Variants in CACNA1E observed in about 807,000 individuals in gnomAD.
CACNA1E encodes the protein calcium voltage-gated channel subunit alpha1 E.
CACNA1E carries 40 observed loss-of-function variants against 259.2 expected under a neutral mutation model. The ratio of observed to expected loss-of-function variants is 0.15; its 90% CI spans 0.12 to 0.20. CACNA1E has a LOEUF of 0.20. CACNA1E is among the 10% of genes least tolerant of loss of function. The probability of loss-of-function intolerance (pLI) is 1.00; values close to 1 mark genes in which losing one functional copy is unlikely to be tolerated. For synonymous variants in CACNA1E, 1,104 were observed against 1,138.5 expected (o/e 0.97, Z 0.61); for missense variants, 1,874 against 3,040.1 (o/e 0.62, Z 9.02).
At chr1:181,731,261 AGTGGTTAC>A (rs1481467272) in intron 19 of CACNA1E, 30 bp downstream of exon 19, 1 of 1,588,628 alleles carries the variant, frequency 6.3e-7, no homozygotes, top group African/African-American at 1.3e-5. Flanking sequence ...CGTGTTTGTG[AGTGGTTAC>A]GTGTGGGCGT....
intron 1 of CACNA1E, among the ~76,000 whole-genome samples, chr1:181,373,888 C>T (rs1457613204): frequency 1.3e-5 from 2 of 152,048 alleles, no homozygotes; most frequent in Non-Finnish European, 2.9e-5. Context: ...ACCCAGAAGT[C>T]CTCTTTTTTT....
In CACNA1E at chr1:181,733,740, C is replaced by T. The variant is rs749176253; in HGVS notation, c.3252C>T (p.Thr1084=). The T allele has an allele frequency of 4.5e-6, 7 of 1,550,286 alleles. No individual in the cohort carries two copies. Among genetic ancestry groups the T allele is most frequent in the East Asian group, 2.4e-5 (1 of 42,360 alleles). Residue 1084 remains threonine (T), a synonymous_variant, in exon 21 of 48, where the codon ACC becomes ACT. Transcript: ENST00000367573. The stretch of plus-strand genomic sequence containing the variant: ...ACGTGGACCCCTTGGTGGACTCAAC[C>T]GTGGTGCACAGTGAGAGCACAGTCC... ...IPDVDPLVDS[T]VVHISNKTDG...
intron 46 of CACNA1E, among the ~76,000 whole-genome samples, 167 bp from the exon 47 acceptor site, chr1:181,796,501 A>G (rs1256072042): frequency 6.6e-6 from 1 of 152,182 alleles, no homozygotes; most frequent in East Asian, 1.9e-4. Context: ...CCATACCATC[A>G]GGAACAAATT....
chr1:181,731,328 G>A (rs1035581104), intron 19 of CACNA1E, 97 bp downstream of exon 19: 15 of 902,260 alleles, frequency 1.7e-5, no homozygotes, highest in Non-Finnish European at 2.6e-5. Flanking sequence ...CACTGGGTGT[G>A]CATGTCAGTG....
chr1:181,795,767 AATAT>A (rs72040839), intron 46 of CACNA1E, among the ~76,000 whole-genome samples: 2,067 of 113,300 alleles, frequency 0.018, 124 homozygotes, highest in African/African-American at 0.058. Flanking sequence ...TTTTGCTTTA[AATAT>A]ATATATATAT....
chr1:181,666,243 C>A (rs1189967343), intron 7 of CACNA1E, among the ~76,000 whole-genome samples: 2 of 152,028 alleles, frequency 1.3e-5, no homozygotes, highest in Non-Finnish European at 2.9e-5. Context: ...TAATGGGATC[C>A]CATTGCCTAA....
intron 7 of CACNA1E, among the ~76,000 whole-genome samples, chr1:181,710,279 A>T (rs193218571): frequency 1.6e-4 from 24 of 149,218 alleles, no homozygotes; most frequent in Non-Finnish European, 5.9e-5. Flanking sequence ...AACTGACATC[A>T]GTCACCTTCG....
chr1:181,367,702 A>G (rs967359226), intron 1 of CACNA1E, among the ~76,000 whole-genome samples: 6 of 151,348 alleles, frequency 4.0e-5, no homozygotes, highest in South Asian at 4.2e-4. Context: ...GCAGAGAGTA[A>G]CTAGTTGACT....
chr1:181,466,295 C>T (rs1244872721), intron 2 of CACNA1E, among the ~76,000 whole-genome samples: 2 of 152,028 alleles, frequency 1.3e-5, no homozygotes, highest in African/African-American at 4.8e-5. Flanking sequence ...ATAATCCCAG[C>T]ACTTTGGGAG....
intron 7 of CACNA1E, among the ~76,000 whole-genome samples, chr1:181,688,806 C>G (rs1650844665): frequency 6.6e-6 from 1 of 152,136 alleles, no homozygotes; most frequent in Admixed American, 6.5e-5. Flanking sequence ...TTCCCCTTCC[C>G]ACTCCAGCAC....
intron 6 of CACNA1E, among the ~76,000 whole-genome samples, chr1:181,626,172 GA>G (rs1345453130): frequency 6.6e-6 from 1 of 152,134 alleles, no homozygotes; most frequent in Non-Finnish European, 1.5e-5. Context: ...TAATAATAAT[GA>G]AAAATTTTGA....
chr1:181,431,868 G>A (rs1659740305), intron 2 of CACNA1E, among the ~76,000 whole-genome samples: 4 of 152,230 alleles, frequency 2.6e-5, no homozygotes, highest in Non-Finnish European at 4.4e-5. Flanking sequence ...GACTTTTGGA[G>A]TAGAGTGACC....
chr1:181,426,696 C>A (rs1424600427), intron 2 of CACNA1E, among the ~76,000 whole-genome samples: 1 of 147,750 alleles, frequency 6.8e-6, no homozygotes, highest in Non-Finnish European at 1.5e-5. Flanking sequence ...CAACTCAACC[C>A]CTTCCCATCT....
intron 2 of CACNA1E, among the ~76,000 whole-genome samples, chr1:181,448,016 T>C (rs942002688): frequency 6.6e-6 from 1 of 152,204 alleles, no homozygotes; most frequent in Non-Finnish European, 1.5e-5. Context: ...GATTATGTAA[T>C]TAGTCAGACC....
At chr1:181,594,585 A>T (rs1652971811) in intron 6 of CACNA1E, among the ~76,000 whole-genome samples, 1 of 152,142 alleles carries the variant, frequency 6.6e-6, no homozygotes, top group South Asian at 2.1e-4. Flanking sequence ...TTTAATAGAG[A>T]CGGGGTTTCG....
intron 6 of CACNA1E, among the ~76,000 whole-genome samples, chr1:181,650,502 C>A (rs1364268667): frequency 6.6e-6 from 1 of 152,126 alleles, no homozygotes; most frequent in African/African-American, 2.4e-5. Context: ...GAGGAAGAGT[C>A]AAAGGGAAGA....
At chr1:181,626,914 A>T (rs565242153) in intron 6 of CACNA1E, among the ~76,000 whole-genome samples, 37 of 152,338 alleles carry the variant, frequency 2.4e-4, no homozygotes, top group African/African-American at 8.9e-4. Flanking sequence ...TCAGGAAAAC[A>T]TGCCCAGGGC....
chr1:181,657,969 C>A (rs1367725383), intron 7 of CACNA1E, among the ~76,000 whole-genome samples: 1 of 152,214 alleles, frequency 6.6e-6, no homozygotes, highest in African/African-American at 2.4e-5. Flanking sequence ...ATAACTCTGG[C>A]CCCCAGAGAA....
chr1:181,796,942 G>A (rs965253204), intron 47 of CACNA1E, 84 bp downstream of exon 47: 68 of 998,086 alleles, frequency 6.8e-5, no homozygotes, highest in Middle Eastern at 3.1e-4. Context: ...TGAGCATTTC[G>A]CAAACGCATT....
Sources: allele counts gnomAD v4.1 joint callset (sites outside exome capture counted in the v4.1 genomes callset), GRCh38; gene constraint gnomAD v4.1.1; transcripts MANE v1.5; gene names NCBI Gene and HGNC (gene_info 2026-07-23, HGNC 2026-07-21).